Variants in SLC30A5 observed in about 807,000 individuals in gnomAD.
SLC30A5 encodes the protein proton-coupled zinc antiporter SLC30A5.
Under a neutral mutation model 79.6 loss-of-function variants are expected in SLC30A5, and 33 were observed. The ratio of observed to expected loss-of-function variants is 0.41; its 90% confidence interval spans 0.31 to 0.55. The LOEUF (loss-of-function observed/expected upper bound fraction) is 0.55, where lower values mean the gene tolerates loss of function less well. Among genes scored for constraint, SLC30A5 ranks in the 20% least tolerant of loss-of-function variants. The pLI, the probability that SLC30A5 is intolerant of heterozygous loss-of-function variation, is 0.20. For missense variants in SLC30A5, 788 were observed against 928.1 expected (o/e 0.85, Z 1.96); for synonymous variants, 299 against 319.7 (o/e 0.94, Z 0.69).
rs1355721418 is a variant in SLC30A5 at position 69,113,205 on chromosome 5, C to T, written c.513C>T (p.Leu171=). The change falls in exon 6 of 16, where the codon CTC becomes CTT. Residue 171 remains leucine (L), a synonymous_variant. Transcript: ENST00000396591. Reference sequence around the variant, plus strand: ...TATTGCTTTTTGACAATGATGATCTCATGGCTAAAATGGCTGAACACCGTA... The same window carrying T: ...TATTGCTTTTTGACAATGATGATCTTATGGCTAAAATGGCTGAACACCGTA... ...ICLLLFDNDD[L]MAKMAEHPEG... 1.9e-6 allele frequency: 3 copies of T among 1,613,280 alleles called. No individual in the cohort carries two copies. The highest frequency in any genetic ancestry group is 3.3e-5 in the Admixed American group (2 of 59,946).
chr5:69,116,228 C>G lies in SLC30A5; in HGVS notation c.1072+14C>G, dbSNP rs368072849. On this transcript the variant is annotated intron_variant, in intron 9 of 15. Transcript: ENST00000396591. The surrounding 1 kb of genome is among the most constrained non-coding windows in gnomAD (Gnocchi z 4.0). The stretch of plus-strand genomic sequence containing the variant: ...TCTTCATTTTGTGTAAGCATTCCCC[C>G]CTTTTTTTTATTTTAACAAATTTCT... 7.1e-6 allele frequency: 11 copies of G among 1,554,534 alleles called. No homozygotes were observed. In the African/African-American group the frequency reaches 1.4e-4, roughly 20 times the overall value.
chr5:69,121,186 GT>G lies in SLC30A5; in HGVS notation c.1570-505del, dbSNP rs201217693. Reference sequence around the variant, plus strand: ...AATAAATGCGAGATTACTATTGTATGTTTCCTTTTTATTATACTTGTTTTAC... The same window carrying G: ...AATAAATGCGAGATTACTATTGTATGTTCCTTTTTATTATACTTGTTTTAC... On this transcript the variant is annotated intron_variant, in intron 12 of 15. Transcript: ENST00000396591. Among the ~76,000 whole-genome samples, 1,500 of 152,152 alleles carry G rather than the reference GT, an allele frequency of 9.9e-3. 20 individuals carry two copies. The highest frequency in any genetic ancestry group is 0.034 in the African/African-American group (1,398 of 41,520).
chr5:69,118,417 G>T, intron 11 of SLC30A5, 82 bp from the exon 12 acceptor site: 2 of 1,148,176 alleles, frequency 1.7e-6, no homozygotes, highest in Non-Finnish European at 2.4e-6. Flanking sequence ...ATGAAAATTT[G>T]GACTTGTTTC....
chr5:69,129,028 T>C (rs1248141512), intron 15 of SLC30A5, among the ~76,000 whole-genome samples: 5 of 152,072 alleles, frequency 3.3e-5, no homozygotes, highest in Non-Finnish European at 5.9e-5. Flanking sequence ...AAGATCTCAC[T>C]ATGTTGCCCA....
At chr5:69,105,316 C>A (rs1226637839) in intron 4 of SLC30A5, among the ~76,000 whole-genome samples, 1 of 152,152 alleles carries the variant, frequency 6.6e-6, no homozygotes, top group Admixed American at 6.5e-5. Context: ...TGTGTATGAG[C>A]ATTCTTTTAA....
rs1746807130 is a variant in SLC30A5, at chr5:69,129,919, T to G, written c.*302T>G. On this transcript the variant is annotated 3_prime_UTR_variant, in exon 16 of 16. Coordinates refer to ENST00000396591, the MANE Select transcript of SLC30A5 (RefSeq NM_022902.5). ...AGTGAAGACCAAAATTACTTCTGTT[T>G]ACTTTCTATCAGGAAGCATCTCCAT... 2 of 190,950 alleles carry G rather than the reference T, an allele frequency of 1.0e-5. No homozygotes were observed. Among genetic ancestry groups the G allele is most frequent in the African/African-American group, 4.6e-5 (2 of 43,014 alleles). The allele number at this position is 190,950 out of a possible 1,614,324, so 11.8% of individuals were successfully genotyped here. A position where few individuals can be genotyped will look rare whatever the true frequency, so the allele number is the denominator to read the frequency against.
At chr5:69,124,916 A>G (rs1372883577) in intron 14 of SLC30A5, among the ~76,000 whole-genome samples, 1 of 152,192 alleles carries the variant, frequency 6.6e-6, no homozygotes, top group Non-Finnish European at 1.5e-5. Flanking sequence ...ACTTTTTAAT[A>G]TACTTGAAAC....
chr5:69,106,733 T>G (rs1746091147), intron 4 of SLC30A5, among the ~76,000 whole-genome samples: 1 of 152,212 alleles, frequency 6.6e-6, no homozygotes, highest in African/African-American at 2.4e-5. Context: ...CCTCAGGAGG[T>G]AGAAGCTTAA....
chr5:69,113,005 A>AT (rs1205201130), intron 5 of SLC30A5, 135 bp from the exon 6 acceptor site: 2 of 656,360 alleles, frequency 3.0e-6, no homozygotes, highest in Non-Finnish European at 5.2e-6. Flanking sequence ...TTAATGTCAG[A>AT]TTTTTTTCTG....
intron 1 of SLC30A5, 75 bp from the exon 2 acceptor site, chr5:69,100,730 CTT>C (rs1317413322): frequency 1.2e-5 from 15 of 1,289,402 alleles, no homozygotes; most frequent in Non-Finnish European, 1.6e-5. Flanking sequence ...GTAATGACCT[CTT>C]GTTTAAAAAA....
At position 69,100,924 on chromosome 5, in the gene SLC30A5, A is replaced by G; in HGVS notation, c.201A>G (p.Lys67=). 1 of 1,350,306 alleles carries G rather than the reference A, an allele frequency of 7.4e-7. No individual in the cohort carries two copies. The allele number at this position is 1,350,306 out of a possible 1,614,324, so 83.6% of individuals were successfully genotyped here. ...VHIVQFIFIL[K]LGTAFFMVLF... Reference sequence around the variant, plus strand: ...TTGTTCAGTTCATTTTTATATTAAAACTTGGGTGAGTGTGGGGGGGGGTTT... The same window carrying G: ...TTGTTCAGTTCATTTTTATATTAAAGCTTGGGTGAGTGTGGGGGGGGGTTT... The change falls in exon 2 of 16, where the codon AAA becomes AAG. Residue 67 remains lysine, a synonymous_variant. Coordinates refer to ENST00000396591, the MANE Select transcript of SLC30A5 (RefSeq NM_022902.5).
Position 69,103,046 on chromosome 5 carries a change from G to A in SLC30A5, c.207-16G>A. The A allele has an allele frequency of 7.6e-7, 1 of 1,309,026 alleles. No individual in the cohort carries two copies. Among genetic ancestry groups the A allele is most frequent in the Non-Finnish European group, 1.1e-6 (1 of 918,526 alleles). The allele number at this position is 1,309,026 out of a possible 1,614,324, so 81.1% of individuals were successfully genotyped here. On this transcript the variant is annotated splice_polypyrimidine_tract_variant and intron_variant, in intron 2 of 15. Transcript: ENST00000396591. ...TATGGATTAATATTAATATATTAAT[G>A]TTTCAATATTTACAGGACTGCATTT... is the stretch of plus-strand genomic sequence containing the variant.
chr5:69,111,283 C>T lies in SLC30A5; in HGVS notation c.448-1857C>T, dbSNP rs565492410. On this transcript the variant is annotated intron_variant, in intron 5 of 15. Transcript: ENST00000396591. ...CTGAGATTACAGGTGTGAACCACCACGCCCGGACTTTTTTTTTCTTTTTCT... is the reference window on the plus strand; with the variant it reads ...CTGAGATTACAGGTGTGAACCACCATGCCCGGACTTTTTTTTTCTTTTTCT... 6.9e-4 allele frequency among the ~76,000 whole-genome samples: 104 copies of T among 150,564 alleles called. No homozygotes were observed. In the Middle Eastern group the frequency reaches 0.014, roughly 20 times the overall value.
At position 69,115,307 on chromosome 5, in the gene SLC30A5, CTGTCGACGTTG is replaced by C; in HGVS notation, c.684_694del (p.Val229TrpfsTer3). ...TTTCATACAGCTTCCAGAAAGCTCT[CTGTCGACGTTG>C]GTGGAGCTAAACGTCTTCAAGCTTT... On this transcript the variant is annotated frameshift_variant, in exon 8 of 16. Coordinates refer to ENST00000396591, the MANE Select transcript of SLC30A5 (RefSeq NM_022902.5). LOFTEE classifies it high-confidence loss of function. The C allele has an allele frequency of 6.2e-7, 1 of 1,614,110 alleles. No homozygotes were observed. Among genetic ancestry groups the C allele is most frequent in the Non-Finnish European group, 8.5e-7 (1 of 1,179,980 alleles).
Position 69,116,192 on chromosome 5 carries a change from G to T in SLC30A5, c.1050G>T (p.Val350=). The part of the protein sequence containing the change: ...TEHVLSGGVV[V]SAIFFILSAN... ...ACGTCCTGTCTGGAGGAGTGGTAGT[G>T]AGTGCTATATTCTTCATTTTGTGTA... Residue 350 remains valine (V), a synonymous_variant, in exon 9 of 16, where the codon GTG becomes GTT. Transcript: ENST00000396591. This position sits in a 1 kb window ranked among gnomAD's most constrained non-coding sequence, Gnocchi z 4.0. The T allele has an allele frequency of 6.2e-7, 1 of 1,611,042 alleles. No homozygotes were observed. Among genetic ancestry groups the T allele is most frequent in the South Asian group, 1.1e-5 (1 of 90,448 alleles).
Position 69,116,478 on chromosome 5 carries a change from A to G in SLC30A5, c.1157A>G (p.Asn386Ser). 6.2e-7 allele frequency: 1 copy of G among 1,612,864 alleles called. No individual in the cohort carries two copies. Among genetic ancestry groups the G allele is most frequent in the Admixed American group, 1.7e-5 (1 of 59,760 alleles). The part of the protein sequence containing the change: ...GYSPEGTPLY[N>S]FMGDAFQHSS... ...TCTCCTGAAGGAACACCTCTTTATA[A>G]CTTCATGGGTGATGCTTTTCAGCAT... is the stretch of plus-strand genomic sequence containing the variant. The change falls in exon 10 of 16, where the codon AAC becomes AGC. Residue 386 changes from asparagine to serine, a missense_variant. By Grantham distance (46) the Asn-to-Ser change is conservative (BLOSUM62 1). Transcript: ENST00000396591. This position sits in a 1 kb window ranked among gnomAD's most constrained non-coding sequence, Gnocchi z 4.0.
intron 4 of SLC30A5, among the ~76,000 whole-genome samples, chr5:69,106,234 G>A (rs1746076170): frequency 6.6e-6 from 1 of 152,218 alleles, no homozygotes; most frequent in Non-Finnish European, 1.5e-5. Flanking sequence ...AGTAGCAGCT[G>A]CAGCTTGGAG....
At chr5:69,117,846 C>T (rs991191407) in intron 11 of SLC30A5, among the ~76,000 whole-genome samples, 2 of 149,556 alleles carry the variant, frequency 1.3e-5, no homozygotes, top group African/African-American at 5.0e-5. Context: ...CACTGCACTC[C>T]AGCCTGGGCA....
At chr5:69,108,116 A>C (rs1359087665) in intron 4 of SLC30A5, among the ~76,000 whole-genome samples, 1 of 152,242 alleles carries the variant, frequency 6.6e-6, no homozygotes, top group East Asian at 1.9e-4. Context: ...CTATACAAGA[A>C]TAAGAAATCT....
Sources: gnomAD v4.1 joint callset for allele counts (sites outside exome capture counted in the v4.1 genomes callset) on GRCh38, gnomAD v4.1.1 for gene constraint, Gnocchi (gnomAD v3.1) non-coding constraint, MANE v1.5 for transcripts, NCBI Gene and HGNC (gene_info 2026-07-23, HGNC 2026-07-21) for gene names.